The following CNBD2 variants were observed in gnomAD, a reference collection of about 807,000 sequenced individuals.
CNBD2 encodes cyclic nucleotide binding domain containing 2, also known as cyclic nucleotide-binding domain-containing protein 2.
Under a neutral mutation model 63.7 loss-of-function variants are expected in CNBD2, and 64 were observed. The ratio of observed to expected loss-of-function variants is 1.00; its 90% CI spans 0.82 to 1.24. CNBD2 has a LOEUF of 1.24. CNBD2 is among the 50% of genes most tolerant of loss of function. The probability of loss-of-function intolerance (pLI) is 0.00; values close to 1 mark genes in which losing one functional copy is unlikely to be tolerated. For missense variants in CNBD2, 691 were observed against 713.5 expected (o/e 0.97, Z 0.36); for synonymous variants, 229 against 255.4 (o/e 0.90, Z 0.99).
At chr20:36,013,809 G>A (rs1302786744) in intron 10 of CNBD2, among the ~76,000 whole-genome samples, 1 of 152,166 alleles carries the variant, frequency 6.6e-6, no homozygotes, top group Admixed American at 6.5e-5. Context: ...ACTCCATGTA[G>A]TAATGGATTA....
chr20:36,013,071 T>C (rs61535956), intron 10 of CNBD2, among the ~76,000 whole-genome samples: 5,376 of 152,130 alleles, frequency 0.035, 331 homozygotes, highest in African/African-American at 0.12. Flanking sequence ...TGTCAAAACC[T>C]ATTTAATTTT....
downstream of CNBD2, among the ~76,000 whole-genome samples, chr20:35,958,187 C>T (rs184189276): frequency 4.3e-4 from 65 of 152,270 alleles, no homozygotes; most frequent in East Asian, 8.1e-3. Context: ...AATCCCAGCA[C>T]TTTGGGAGGC....
At chr20:35,978,624 A>G (rs761123761) in intron 3 of CNBD2, among the ~76,000 whole-genome samples, 9 of 152,116 alleles carry the variant, frequency 5.9e-5, no homozygotes, top group East Asian at 5.8e-4. Flanking sequence ...GATTATAGGC[A>G]AGAGCCACCG....
At chr20:36,017,114 G>T (rs535215076) in intron 10 of CNBD2, among the ~76,000 whole-genome samples, 1 of 151,590 alleles carries the variant, frequency 6.6e-6, no homozygotes, top group South Asian at 2.1e-4. Flanking sequence ...GGATGACCAC[G>T]CTTGGCTATG....
At chr20:36,024,415 G>A (rs1272334153) in intron 11 of CNBD2, among the ~76,000 whole-genome samples, 1 of 151,970 alleles carries the variant, frequency 6.6e-6, no homozygotes, top group Non-Finnish European at 1.5e-5. Context: ...GATCACCTGA[G>A]GTCAGGAGTT....
chr20:36,028,965 G>A (rs997541725), intron 11 of CNBD2, among the ~76,000 whole-genome samples: 11 of 152,100 alleles, frequency 7.2e-5, no homozygotes, highest in African/African-American at 2.4e-4. Context: ...ATGAGCCACC[G>A]CACCCAGCCA....
At chr20:35,954,480 G>GCGAAAGTCT, upstream of CNBD2, 1 of 1,546,600 alleles carries the variant, frequency 6.5e-7, no homozygotes, top group Non-Finnish European at 8.7e-7. Flanking sequence ...GCAGCCGGAA[G>GCGAAAGTCT]CGAAAGTCTC....
At chr20:35,960,485 G>A (rs373808357) in intron 2 of CNBD2, among the ~76,000 whole-genome samples, 3 of 152,190 alleles carry the variant, frequency 2.0e-5, no homozygotes, top group African/African-American at 7.2e-5. Flanking sequence ...GACCACAGGC[G>A]CGTACCGCCA....
At chr20:36,027,580 C>A (rs186629285) in intron 11 of CNBD2, among the ~76,000 whole-genome samples, 1 of 151,948 alleles carries the variant, frequency 6.6e-6, no homozygotes, top group African/African-American at 2.4e-5. Flanking sequence ...GACTAACTTA[C>A]TAACTGTGTG....
At chr20:35,980,390 G>C in intron 3 of CNBD2, 69 bp from the exon 4 acceptor site, 1 of 1,427,832 alleles carries the variant, frequency 7.0e-7, no homozygotes, top group Non-Finnish European at 9.8e-7. Flanking sequence ...CAGGACTGTG[G>C]GGTGTTGCCC....
chr20:36,029,353 A>G, intron 11 of CNBD2, among the ~76,000 whole-genome samples: 1 of 152,156 alleles, frequency 6.6e-6, no homozygotes, highest in Admixed American at 6.5e-5. Context: ...TGTTGTTGTT[A>G]TTTATTATGT....
chr20:35,955,880 C>A (rs1018368710), downstream of CNBD2, among the ~76,000 whole-genome samples: 1 of 152,166 alleles, frequency 6.6e-6, no homozygotes, highest in African/African-American at 2.4e-5. Context: ...CCACCACACC[C>A]GGCTAATATT....
chr20:35,994,292 C>T (rs146203512), intron 7 of CNBD2, among the ~76,000 whole-genome samples: 2,203 of 151,488 alleles, frequency 0.015, 58 homozygotes, highest in African/African-American at 0.051. Flanking sequence ...CTCGAACTCC[C>T]GACCTCAGGT....
At chr20:35,982,176 A>T (rs2056606894) in intron 4 of CNBD2, among the ~76,000 whole-genome samples, 1 of 152,158 alleles carries the variant, frequency 6.6e-6, no homozygotes, top group Admixed American at 6.5e-5. Flanking sequence ...GAGGAGGAAG[A>T]GGAGGAACTG....
chr20:35,956,300 A>G (rs2056256215), downstream of CNBD2, among the ~76,000 whole-genome samples: 1 of 152,174 alleles, frequency 6.6e-6, no homozygotes, highest in African/African-American at 2.4e-5. Context: ...AATGTTTTTT[A>G]GTTGCTGACA....
chr20:35,975,821 G>A (rs1347970612), intron 2 of CNBD2, 128 bp from the exon 3 acceptor site: 1 of 756,114 alleles, frequency 1.3e-6, no homozygotes, highest in African/African-American at 1.7e-5. Context: ...GAAAGGGCCG[G>A]CTGCTATGAG....
intron 10 of CNBD2, among the ~76,000 whole-genome samples, chr20:36,015,556 A>T (rs887715559): frequency 1.6e-4 from 24 of 152,204 alleles, no homozygotes; most frequent in Admixed American, 1.6e-3. Context: ...AATACACAGG[A>T]TGAGTCTAGA....
intron 2 of CNBD2, 86 bp from the exon 3 acceptor site, chr20:35,975,853 ACCATGGTGGT>A: frequency 1.7e-6 from 2 of 1,150,476 alleles, no homozygotes; most frequent in East Asian, 4.8e-5. Flanking sequence ...CTTCCTGCCC[ACCATGGTGGT>A]CCAGGTAGAC....
chr20:35,980,473 A>G lies in CNBD2; in HGVS notation c.258A>G (p.Pro86=). 6.2e-7 allele frequency: 1 copy of G among 1,614,176 alleles called. No homozygotes were observed. Among genetic ancestry groups the G allele is most frequent in the South Asian group, 1.1e-5 (1 of 91,084 alleles). The part of the protein sequence containing the change: ...DFIAEEGHFP[P]KAIQIMQKKP... ...TCTCTCCCCAGGGTCACTTTCCTCCAAAGGCCATTCAGATCATGCAGAAGA... is the reference window on the plus strand; with the variant it reads ...TCTCTCCCCAGGGTCACTTTCCTCCGAAGGCCATTCAGATCATGCAGAAGA... The change falls in exon 4 of 12, where the codon CCA becomes CCG. Residue 86 remains proline, a synonymous_variant. Coordinates refer to ENST00000373973, the MANE Select transcript of CNBD2 (RefSeq NM_001365709.1).
Sources: allele counts gnomAD v4.1 joint callset (sites outside exome capture counted in the v4.1 genomes callset), GRCh38; gene constraint gnomAD v4.1.1; transcripts MANE v1.5; gene names NCBI Gene and HGNC (gene_info 2026-07-23, HGNC 2026-07-21).